Variants in ATG9B observed in about 807,000 individuals in gnomAD.
ATG9B encodes the protein autophagy-related protein 9B.
A neutral mutation model predicts 92.9 loss-of-function variants in ATG9B; 92 were observed. That is an observed-to-expected ratio of 0.99 (90% CI 0.84 to 1.18). The LOEUF is 1.18. Ranked by LOEUF, ATG9B falls within the 50% of genes most tolerant of loss-of-function variation. ATG9B has a pLI of 0.00. For missense variants in ATG9B, 1,344 were observed against 1,235.0 expected, an observed-to-expected ratio of 1.09 and a Z score of -1.32; for synonymous variants, 599 against 551.4, an observed-to-expected ratio of 1.09 and a Z score of -1.21.
At position 151,024,432 on chromosome 7, in the gene ATG9B, G is replaced by C. The variant is rs181867829; in HGVS notation, c.-9C>G. On this transcript the variant is annotated 5_prime_UTR_variant, in exon 1 of 14. Coordinates refer to ENST00000639579, the MANE Select transcript of ATG9B (RefSeq NM_001317056.2). ...CCCATTCGGCTCACCATCAGGCCAC[G>C]GCTTCTCCAGAAAGGTTGGAAGGAT... The C allele has an allele frequency of 2.6e-5, 35 of 1,337,742 alleles. No individual in the cohort carries two copies. Among genetic ancestry groups the C allele is most frequent in the African/African-American group, 6.0e-5 (4 of 66,656 alleles). The allele number at this position is 1,337,742 out of a possible 1,614,324, so 82.9% of individuals were successfully genotyped here.
chr7:151,018,900 C>A lies in ATG9B; in HGVS notation c.1438G>T (p.Gly480Cys), dbSNP rs752918982. ...RREPGALGAR[G>C]WSRLARLQLR... Reference sequence around the variant, plus strand: ...TGCAAGCGCGCCAGGCGGGACCAGCCGCGCGCCCCCAGCGCGCCAGGCTCG... The same window carrying A: ...TGCAAGCGCGCCAGGCGGGACCAGCAGCGCGCCCCCAGCGCGCCAGGCTCG... The change falls in exon 6 of 14, where the codon GGC becomes TGC. Residue 480 changes from glycine (G) to cysteine (C), a missense_variant. By Grantham distance (159) the Gly-to-Cys change is radical (BLOSUM62 -3). Coordinates refer to ENST00000639579, the MANE Select transcript of ATG9B (RefSeq NM_001317056.2). The surrounding 1 kb of genome is among the most constrained non-coding windows in gnomAD (Gnocchi z 4.7). 6.8e-7 allele frequency: 1 copy of A among 1,469,076 alleles called. No homozygotes were observed. Among genetic ancestry groups the A allele is most frequent in the Middle Eastern group, 2.0e-4 (1 of 5,062 alleles). 91.0% of individuals were successfully genotyped at this position (1,469,076 alleles called of 1,614,324 possible).
chr7:151,017,180 A>T lies in ATG9B; in HGVS notation c.2145T>A (p.His715Gln), dbSNP rs747093137. The T allele has an allele frequency of 1.2e-6, 2 of 1,613,178 alleles. No homozygotes were observed. Among genetic ancestry groups the T allele is most frequent in the East Asian group, 2.2e-5 (1 of 44,868 alleles). Residue 715 changes from histidine (H) to glutamine (Q), a missense_variant, in exon 9 of 14, where the codon CAT becomes CAA. By Grantham distance (24) the His-to-Gln change is conservative. Coordinates refer to ENST00000639579, the MANE Select transcript of ATG9B (RefSeq NM_001317056.2). ...TGTGCCCTGGGGGGCGCCAGAGTGG[A>T]TGCGCCAGGGAGAACCGCATCAAAG... ...ELSLMRFSLA[H>Q]PLWRPPGHSS...
downstream of ATG9B, chr7:151,012,532 T>C: frequency 1.3e-6 from 2 of 1,556,644 alleles, no homozygotes; most frequent in South Asian, 1.2e-5. Flanking sequence ...GACAGAGGGG[T>C]GGGGCTGGAA....
chr7:151,012,816 T>C (rs3918208), downstream of ATG9B: 409 of 338,628 alleles, frequency 1.2e-3, 1 homozygote, highest in African/African-American at 8.1e-3. Flanking sequence ...CTAAGGATGC[T>C]ACAAGGTGTT....
downstream of ATG9B, chr7:151,012,619 C>G (rs1474915095): frequency 5.1e-6 from 5 of 987,064 alleles, no homozygotes; most frequent in African/African-American, 1.6e-5. Flanking sequence ...AAGGGGAGGG[C>G]AGGTACCAAA....
chr7:151,017,511 C>G (rs925088490), intron 8 of ATG9B, among the ~76,000 whole-genome samples: 1 of 152,160 alleles, frequency 6.6e-6, no homozygotes, highest in African/African-American at 2.4e-5. Flanking sequence ...CAGGGTGATC[C>G]TGACAGCCTT....
chr7:151,012,411 C>G, downstream of ATG9B: 1 of 1,606,670 alleles, frequency 6.2e-7, no homozygotes, highest in Non-Finnish European at 8.5e-7. Flanking sequence ...TGGGTCCAGG[C>G]ACTGGCATTG....
In ATG9B at chr7:151,018,745, G is replaced by A. The variant is rs1355651121; in HGVS notation, c.1593C>T (p.Leu531=). ...CGAAGAGTGCACCCGCGAAGAAAAC[G>A]AGCTGGCGGGCCAGCAGCGTGCGCA... ...APLRTLLARQ[L]VFFAGALFAA... Residue 531 remains leucine, a synonymous_variant, in exon 6 of 14, where the codon CTC becomes CTT. Transcript: ENST00000639579. The surrounding 1 kb of genome is among the most constrained non-coding windows in gnomAD (Gnocchi z 4.7). 6 of 1,570,342 alleles carry A rather than the reference G, an allele frequency of 3.8e-6. No homozygotes were observed. Among genetic ancestry groups the A allele is most frequent in the Non-Finnish European group, 3.4e-6 (4 of 1,163,608 alleles).
chr7:151,023,624 G>T, intron 2 of ATG9B, 63 bp downstream of exon 2: 1 of 1,610,334 alleles, frequency 6.2e-7, no homozygotes, highest in Non-Finnish European at 8.5e-7. Context: ...TCCCTGCCAA[G>T]AACAGTGCCA....
downstream of ATG9B, chr7:151,013,634 G>T: frequency 7.8e-7 from 1 of 1,279,832 alleles, no homozygotes; most frequent in Non-Finnish European, 1.1e-6. Context: ...CCGCTCCGGA[G>T]ACTTTCACGT....
At chr7:151,023,549 C>G (rs759958816) in intron 2 of ATG9B, 40 bp from the exon 3 acceptor site, 83 of 1,612,390 alleles carry the variant, frequency 5.1e-5, no homozygotes, top group African/African-American at 2.4e-4. Flanking sequence ...GCACGGGGGG[C>G]CTCTCCTGAG....
At chr7:151,021,705 A>T (rs1377378121) in intron 4 of ATG9B, among the ~76,000 whole-genome samples, 1 of 148,798 alleles carries the variant, frequency 6.7e-6, no homozygotes, top group Non-Finnish European at 1.5e-5. Context: ...GCTGGAGTGC[A>T]GTGGCGCAAT....
rs749524324 is a variant in ATG9B at position 151,018,466 on chromosome 7, G to C, written c.1719-19C>G. On this transcript the variant is annotated intron_variant, in intron 6 of 13. Transcript: ENST00000639579. The surrounding 1 kb of genome is among the most constrained non-coding windows in gnomAD (Gnocchi z 4.7). Reference sequence around the variant, plus strand: ...GAAAGACCTGAAAGGCGGGATCCGTGGGGGGAAGGGGCCTGCGATTAGGAG... The same window carrying C: ...GAAAGACCTGAAAGGCGGGATCCGTCGGGGGAAGGGGCCTGCGATTAGGAG... 9.9e-6 allele frequency: 15 copies of C among 1,518,818 alleles called. No homozygotes were observed. Among genetic ancestry groups the C allele is most frequent in the African/African-American group, 7.0e-5 (5 of 71,656 alleles). The allele number at this position is 1,518,818 out of a possible 1,614,324, so 94.1% of individuals were successfully genotyped here. A position where few individuals can be genotyped will look rare whatever the true frequency, so the allele number is the denominator to read the frequency against.
chr7:151,012,328 T>C, downstream of ATG9B: 1 of 1,528,304 alleles, frequency 6.5e-7, no homozygotes, highest in Non-Finnish European at 8.8e-7. Flanking sequence ...AAAGGGGACC[T>C]GATGGAGTGT....
Position 151,018,170 on chromosome 7 carries a change from T to G in ATG9B, c.1873-120A>C. ...GAAGCCTCCCCACCCAGTCACTCCC[T>G]AGACTCCTGGTATAGTCCGTTTGTC... On this transcript the variant is annotated intron_variant, in intron 7 of 13. Coordinates refer to ENST00000639579, the MANE Select transcript of ATG9B (RefSeq NM_001317056.2). The surrounding 1 kb of genome is among the most constrained non-coding windows in gnomAD (Gnocchi z 4.7). 1 of 1,468,332 alleles carries G rather than the reference T, an allele frequency of 6.8e-7. No homozygotes were observed. The highest frequency in any genetic ancestry group is 9.0e-7 in the Non-Finnish European group (1 of 1,111,748). 91.0% of individuals were successfully genotyped at this position (1,468,332 alleles called of 1,614,324 possible).
rs1485944931 is a variant in ATG9B at position 151,017,070 on chromosome 7, G to A, written c.2255C>T (p.Thr752Ile). The change falls in exon 9 of 14, where the codon ACC becomes ATC. Residue 752 changes from threonine (T) to isoleucine (I), a missense_variant. Physicochemically the swap from Thr to Ile is moderately conservative, Grantham distance 89 (BLOSUM62 -1). Coordinates refer to ENST00000639579, the MANE Select transcript of ATG9B (RefSeq NM_001317056.2). ...GGTGCAGTTGCTGAGCACCCCCGGG[G>A]TGGAGGGGCCGCGAGCCGAGGTGGC... is the stretch of plus-strand genomic sequence containing the variant. The part of the protein sequence containing the change: ...WGATSARGPS[T>I]PGVLSNCTSP... 2.5e-6 allele frequency: 4 copies of A among 1,605,856 alleles called. No homozygotes were observed. The highest frequency in any genetic ancestry group is 2.7e-5 in the African/African-American group (2 of 74,748).
At chr7:151,012,225 G>GT (rs1213890215), downstream of ATG9B, 7,182 of 510,144 alleles carry the variant, frequency 0.014, 4 homozygotes, top group South Asian at 0.02. Flanking sequence ...TTTGTTTTTT[G>GT]TTTTTTTTTT....
rs368435711 is a variant in ATG9B at position 151,019,009 on chromosome 7, G to A, written c.1329C>T (p.Ala443=). 743 of 1,562,208 alleles carry A rather than the reference G, an allele frequency of 4.8e-4. 1 individual carries two copies. The African/African-American group carries it at 5.8e-3, about 12-fold the overall frequency. Reference sequence around the variant, plus strand: ...GCGGGCTCAGCGCCAGGTTCAGGGCGGCCAGCAGCAGCACTGTGCGCCCCC... The same window carrying A: ...GCGGGCTCAGCGCCAGGTTCAGGGCAGCCAGCAGCAGCACTGTGCGCCCCC... ...ARWGRTVLLL[A]ALNLALSPLV... Residue 443 remains alanine, a synonymous_variant, in exon 6 of 14, where the codon GCC becomes GCT. Transcript: ENST00000639579.
intron 9 of ATG9B, 67 bp from the exon 10 acceptor site, chr7:151,016,888 G>A: frequency 1.3e-6 from 2 of 1,552,576 alleles, no homozygotes; most frequent in Non-Finnish European, 1.7e-6. Context: ...GGAGTAGGGA[G>A]GAAGCAGAGG....
Sources: allele counts gnomAD v4.1 joint callset (sites outside exome capture counted in the v4.1 genomes callset), GRCh38; gene constraint gnomAD v4.1.1; non-coding constraint Gnocchi (gnomAD v3.1); transcripts MANE v1.5; gene names NCBI Gene and HGNC (gene_info 2026-07-23, HGNC 2026-07-21).